Variants in LRRC4C observed in about 807,000 individuals in gnomAD.
LRRC4C encodes the protein leucine-rich repeat-containing protein 4C.
A neutral mutation model predicts 33.6 loss-of-function variants in LRRC4C; 5 were observed. The observed-to-expected ratio is 0.15, with a 90% CI of 0.08 to 0.31. LRRC4C has a LOEUF of 0.31. Ranked by LOEUF, LRRC4C falls within the 10% of genes least tolerant of loss-of-function variation. LRRC4C has a pLI of 1.00. For synonymous variants in LRRC4C, 329 were observed against 302.0 expected (o/e 1.09, Z -0.93); for missense variants, 560 against 796.7 (o/e 0.70, Z 3.58).
chr11:41,318,745 G>A (rs1950868647), intron 1 of LRRC4C, among the ~76,000 whole-genome samples: 1 of 151,976 alleles, frequency 6.6e-6, no homozygotes, highest in Non-Finnish European at 1.5e-5. Context: ...ATATTTGTGT[G>A]TCTGTGTTTG....
rs370574515 is a variant in LRRC4C at position 41,411,142 on chromosome 11, A to ATTTTTTTTTTTT, written c.-496+48277_-496+48288dup. Among the ~76,000 whole-genome samples the ATTTTTTTTTTTT allele has an allele frequency of 9.7e-3, 557 of 57,158 alleles. 106 individuals carry two copies. The highest frequency in any genetic ancestry group is 0.038 in the East Asian group (62 of 1,616). The allele number at this position is 57,158 out of a possible 152,430, so 37.5% of individuals were successfully genotyped here. On this transcript the variant is annotated intron_variant, in intron 1 of 6. Transcript: ENST00000528697. ...ATGAGAAACACTTGGTTGGTACCCT[A>ATTTTTTTTTTTT]TTTTTTTTTTTTTTTTTTTTTTTTG...
intron 1 of LRRC4C, among the ~76,000 whole-genome samples, chr11:41,351,706 T>C (rs997407027): frequency 2.0e-5 from 3 of 152,216 alleles, no homozygotes; most frequent in Admixed American, 6.5e-5. Flanking sequence ...CATGCATTAA[T>C]GCATTAAAAA....
intron 2 of LRRC4C, among the ~76,000 whole-genome samples, chr11:40,827,384 G>T (rs911118299): frequency 6.6e-6 from 1 of 151,784 alleles, no homozygotes; most frequent in Non-Finnish European, 1.5e-5. Flanking sequence ...ATACACATTT[G>T]TGAAAATCAT....
intron 3 of LRRC4C, among the ~76,000 whole-genome samples, chr11:40,505,201 G>C (rs1565455196): frequency 1.3e-5 from 2 of 152,210 alleles, no homozygotes; most frequent in East Asian, 3.9e-4. Flanking sequence ...TTTTTGGTTA[G>C]GCAGACATTT....
intron 3 of LRRC4C, among the ~76,000 whole-genome samples, chr11:40,352,579 T>C (rs1947461644): frequency 6.6e-6 from 1 of 152,166 alleles, no homozygotes; most frequent in Admixed American, 6.5e-5. Flanking sequence ...TTAGTTTTGA[T>C]AGGTTCATCT....
intron 1 of LRRC4C, among the ~76,000 whole-genome samples, chr11:41,182,561 T>A (rs1030568489): frequency 1.3e-5 from 2 of 152,158 alleles, no homozygotes; most frequent in African/African-American, 4.8e-5. Flanking sequence ...ATAATAATAA[T>A]CTATTTCATG....
At chr11:41,057,863 T>G (rs756393753) in intron 1 of LRRC4C, among the ~76,000 whole-genome samples, 2 of 152,128 alleles carry the variant, frequency 1.3e-5, no homozygotes, top group Non-Finnish European at 2.9e-5. Context: ...CAGGATGAAT[T>G]GTGTAGCCGA....
chr11:40,724,552 G>A (rs1947193007), intron 2 of LRRC4C, among the ~76,000 whole-genome samples: 1 of 152,066 alleles, frequency 6.6e-6, no homozygotes, highest in Admixed American at 6.6e-5. Flanking sequence ...AAAATTATTG[G>A]CAATAAATGA....
intron 2 of LRRC4C, among the ~76,000 whole-genome samples, chr11:40,907,961 G>T (rs1956496551): frequency 6.6e-6 from 1 of 152,086 alleles, no homozygotes; most frequent in Admixed American, 6.5e-5. Context: ...TACTTGAGTA[G>T]ATAAAGGTGA....
intron 3 of LRRC4C, among the ~76,000 whole-genome samples, chr11:40,586,711 G>T (rs1958766823): frequency 6.7e-6 from 1 of 150,324 alleles, no homozygotes; most frequent in Non-Finnish European, 1.5e-5. Flanking sequence ...AGTTTTCCCA[G>T]CACCATTTAT....
Position 40,322,097 on chromosome 11 carries a change from A to C in LRRC4C, c.-269-2376T>G, listed in dbSNP as rs191419247. Among the ~76,000 whole-genome samples the C allele has an allele frequency of 1.8e-3, 275 of 152,270 alleles. 1 individual carries two copies. Among genetic ancestry groups the C allele is most frequent in the African/African-American group, 6.4e-3 (265 of 41,562 alleles). Reference sequence around the variant, plus strand: ...GAAGGGACTCACCAATCGATTCACTAAATGTTATACTGCACAGGTGAAGGG... The same window carrying C: ...GAAGGGACTCACCAATCGATTCACTCAATGTTATACTGCACAGGTGAAGGG... On this transcript the variant is annotated intron_variant, in intron 3 of 6. Coordinates refer to ENST00000528697, the MANE Select transcript of LRRC4C (RefSeq NM_001258419.2).
At chr11:41,379,687 G>A (rs1294733656) in intron 1 of LRRC4C, among the ~76,000 whole-genome samples, 1 of 151,762 alleles carries the variant, frequency 6.6e-6, no homozygotes, top group Non-Finnish European at 1.5e-5. Context: ...TTTTCTTTTG[G>A]ATTTGTTTCT....
At chr11:40,691,679 G>T (rs1945227640) in intron 2 of LRRC4C, among the ~76,000 whole-genome samples, 1 of 152,078 alleles carries the variant, frequency 6.6e-6, no homozygotes, top group Non-Finnish European at 1.5e-5. Context: ...CTTGCCTCAG[G>T]TTACAAATCT....
chr11:40,473,183 A>G lies in LRRC4C; in HGVS notation c.-269-153462T>C, dbSNP rs142420688. ...AATTTCAGGCCAATATCCCTGATGA[A>G]CATCAATGCAAAAACCTCAATAAAA... On this transcript the variant is annotated intron_variant, in intron 3 of 6. Coordinates refer to ENST00000528697, the MANE Select transcript of LRRC4C (RefSeq NM_001258419.2). 5.7e-3 allele frequency among the ~76,000 whole-genome samples: 876 copies of G among 152,348 alleles called. 12 individuals are homozygous for G. Among genetic ancestry groups the G allele is most frequent in the African/African-American group, 0.02 (840 of 41,574 alleles).
chr11:40,719,157 A>ATG (rs1946878583), intron 2 of LRRC4C, among the ~76,000 whole-genome samples: 1 of 152,212 alleles, frequency 6.6e-6, no homozygotes, highest in Admixed American at 6.5e-5. Context: ...TTGCTGTCAA[A>ATG]AGATAAAGGC....
chr11:41,390,615 A>G (rs1953552288), intron 1 of LRRC4C, among the ~76,000 whole-genome samples: 1 of 151,806 alleles, frequency 6.6e-6, no homozygotes, highest in Admixed American at 6.6e-5. Context: ...ACTTTTACTC[A>G]TTCCTTAGGT....
chr11:40,755,857 G>A (rs1209343131), intron 2 of LRRC4C, among the ~76,000 whole-genome samples: 3 of 152,064 alleles, frequency 2.0e-5, no homozygotes. Context: ...TTTGTTATGG[G>A]CTAAATTGCC....
At chr11:40,885,662 T>C (rs1017215465) in intron 2 of LRRC4C, among the ~76,000 whole-genome samples, 2 of 151,928 alleles carry the variant, frequency 1.3e-5, no homozygotes, top group African/African-American at 4.8e-5. Flanking sequence ...GTACTGAAAA[T>C]AAAAATATCA....
At chr11:40,423,469 C>T (rs935899430) in intron 3 of LRRC4C, among the ~76,000 whole-genome samples, 3 of 151,598 alleles carry the variant, frequency 2.0e-5, no homozygotes, top group South Asian at 2.1e-4. Context: ...CTCAGCCTCC[C>T]GAGCAGCTGG....
Sources: gnomAD v4.1 joint callset for allele counts (sites outside exome capture counted in the v4.1 genomes callset) on GRCh38, gnomAD v4.1.1 for gene constraint, MANE v1.5 for transcripts, NCBI Gene and HGNC (gene_info 2026-07-23, HGNC 2026-07-21) for gene names.